The following DOCK8 variants were observed in gnomAD, a reference collection of about 807,000 sequenced individuals.
DOCK8 encodes the protein dedicator of cytokinesis protein 8.
In DOCK8, 141 loss-of-function variants were observed where a neutral mutation model predicts 245.6. The observed-to-expected ratio is 0.57, with a 90% confidence interval of 0.50 to 0.66. The LOEUF (loss-of-function observed/expected upper bound fraction) is 0.66, where lower values mean the gene tolerates loss of function less well. DOCK8 is among the 30% of genes least tolerant of loss of function. The pLI is 0.00. For missense variants in DOCK8, 2,965 were observed against 2,603.4 expected, an observed-to-expected ratio of 1.14 and a Z score of -3.02; for synonymous variants, 1,168 against 970.2, an observed-to-expected ratio of 1.20 and a Z score of -3.79.
At chr9:308,334 A>G (rs2049940226) in intron 5 of DOCK8, among the ~76,000 whole-genome samples, 1 of 152,234 alleles carries the variant, frequency 6.6e-6, no homozygotes, top group Admixed American at 6.5e-5. Flanking sequence ...TACAACTATT[A>G]TGTGTCTATT....
At chr9:300,029 A>AT (rs1037479766) in intron 4 of DOCK8, among the ~76,000 whole-genome samples, 2 of 151,964 alleles carry the variant, frequency 1.3e-5, no homozygotes, top group African/African-American at 4.8e-5. Context: ...CAAAAAAAAA[A>AT]AAAAAAGATG....
At chr9:336,054 A>G (rs1271103455) in intron 11 of DOCK8, among the ~76,000 whole-genome samples, 3 of 152,180 alleles carry the variant, frequency 2.0e-5, no homozygotes, top group Non-Finnish European at 4.4e-5. Context: ...TCTAATTCCC[A>G]TTGGGCAGAT....
At chr9:433,079 G>A (rs2056774880) in intron 37 of DOCK8, among the ~76,000 whole-genome samples, 1 of 152,350 alleles carries the variant, frequency 6.6e-6, no homozygotes, top group East Asian at 1.9e-4. Context: ...GGGCAATGTT[G>A]CATCCTCATT....
chr9:302,005 C>G (rs2049572334), intron 4 of DOCK8, among the ~76,000 whole-genome samples: 1 of 151,710 alleles, frequency 6.6e-6, no homozygotes, highest in African/African-American at 2.4e-5. Context: ...AAACCTATTC[C>G]AAAATTCATG....
At chr9:236,811 A>C (rs1371681861) in intron 1 of DOCK8, among the ~76,000 whole-genome samples, 1 of 152,190 alleles carries the variant, frequency 6.6e-6, no homozygotes, top group African/African-American at 2.4e-5. Context: ...TTACAGCTCT[A>C]CCATCTTGTG....
chr9:252,584 C>T (rs1360264867), intron 1 of DOCK8, among the ~76,000 whole-genome samples: 1 of 151,932 alleles, frequency 6.6e-6, no homozygotes, highest in African/African-American at 2.4e-5. Context: ...GGGCAGATCA[C>T]CTGAGGTCAG....
At chr9:417,049 C>A (rs1041630776) in intron 29 of DOCK8, among the ~76,000 whole-genome samples, 2 of 152,180 alleles carry the variant, frequency 1.3e-5, no homozygotes, top group Admixed American at 1.3e-4. Flanking sequence ...AATCCCAGCA[C>A]TTTGGGAGGC....
chr9:228,797 G>A (rs1469866896), intron 1 of DOCK8, among the ~76,000 whole-genome samples: 1 of 152,136 alleles, frequency 6.6e-6, no homozygotes, highest in African/African-American at 2.4e-5. Flanking sequence ...GGGCTCAGCT[G>A]GACAGTTATT....
intron 20 of DOCK8, 140 bp from the exon 21 acceptor site, chr9:379,631 C>T (rs2053657757): frequency 2.2e-6 from 2 of 892,560 alleles, no homozygotes; most frequent in South Asian, 1.4e-5. Context: ...TGCCAGAGCT[C>T]ACCAAAACCA....
intron 14 of DOCK8, among the ~76,000 whole-genome samples, chr9:357,938 C>A (rs560430519): frequency 6.6e-6 from 1 of 152,204 alleles, no homozygotes; most frequent in Non-Finnish European, 1.5e-5. Flanking sequence ...TGTGAATTTG[C>A]ACTTTTATCT....
chr9:239,476 A>C (rs960555355), intron 1 of DOCK8, among the ~76,000 whole-genome samples: 2 of 152,230 alleles, frequency 1.3e-5, no homozygotes, highest in Admixed American at 6.5e-5. Flanking sequence ...TACTTGTATG[A>C]GAGATGGGAA....
chr9:282,011 C>G (rs1229873420), intron 2 of DOCK8, among the ~76,000 whole-genome samples: 1 of 152,190 alleles, frequency 6.6e-6, no homozygotes, highest in Non-Finnish European at 1.5e-5. Flanking sequence ...CTTCAGACCT[C>G]GAGAGTTTAT....
chr9:326,813 A>ATTT (rs1440600167), intron 8 of DOCK8, among the ~76,000 whole-genome samples: 6 of 152,164 alleles, frequency 3.9e-5, no homozygotes, highest in African/African-American at 1.4e-4. Context: ...AGTTTGATAC[A>ATTT]TTGCTTCTGC....
intron 14 of DOCK8, among the ~76,000 whole-genome samples, chr9:363,459 C>A (rs138805083): frequency 6.6e-6 from 1 of 152,228 alleles, no homozygotes; most frequent in Non-Finnish European, 1.5e-5. Flanking sequence ...CTCTGGGTTA[C>A]TGGCCATGCA....
At chr9:399,368 G>A in intron 26 of DOCK8, 109 bp downstream of exon 26, 1 of 815,034 alleles carries the variant, frequency 1.2e-6, no homozygotes, top group South Asian at 1.4e-5. Context: ...GAGTTGGCAT[G>A]AATCCTACAC....
intron 1 of DOCK8, among the ~76,000 whole-genome samples, chr9:224,691 G>C (rs2046954423): frequency 6.6e-6 from 1 of 152,132 alleles, no homozygotes; most frequent in Non-Finnish European, 1.5e-5. Context: ...CTCTAGAGAA[G>C]TTGGGCTGTC....
chr9:376,092 C>A, intron 18 of DOCK8, 118 bp from the exon 19 acceptor site: 1 of 797,048 alleles, frequency 1.3e-6, no homozygotes, highest in Non-Finnish European at 2.2e-6. Context: ...GATTAGTTTT[C>A]AAGAGAGTTC....
At chr9:255,422 C>T (rs1410290839) in intron 1 of DOCK8, among the ~76,000 whole-genome samples, 1 of 152,154 alleles carries the variant, frequency 6.6e-6, no homozygotes, top group Non-Finnish European at 1.5e-5. Context: ...AATCCCAGCA[C>T]TTTGGGAGGC....
chr9:457,797 T>C (rs1468674399), intron 46 of DOCK8, among the ~76,000 whole-genome samples: 1 of 152,264 alleles, frequency 6.6e-6, no homozygotes, highest in Non-Finnish European at 1.5e-5. Flanking sequence ...AACGCTACCA[T>C]GTGCTCTGGC....
Sources: gnomAD v4.1 joint callset for allele counts (sites outside exome capture counted in the v4.1 genomes callset) on GRCh38, gnomAD v4.1.1 for gene constraint, MANE v1.5 for transcripts, NCBI Gene and HGNC (gene_info 2026-07-23, HGNC 2026-07-21) for gene names.